TPP2: variants seen among roughly 807,000 people sequenced by gnomAD.
The protein encoded by TPP2 is tripeptidyl-peptidase 2.
Under a neutral mutation model 155.9 loss-of-function variants are expected in TPP2, and 34 were observed. The observed-to-expected ratio is 0.22, with a 90% CI of 0.17 to 0.29. TPP2 has a LOEUF of 0.29. TPP2 is among the 10% of genes least tolerant of loss of function. The pLI is 1.00. For missense variants in TPP2, 1,028 were observed against 1,522.3 expected (o/e 0.68, Z 5.40); for synonymous variants, 510 against 529.4 (o/e 0.96, Z 0.50).
rs1411430832 is a variant in TPP2, at chr13:102,678,886, A to G, written c.*570A>G. 1 of 151,060 alleles carries G rather than the reference A, an allele frequency of 6.6e-6. No individual in the cohort carries two copies. Among genetic ancestry groups the G allele is most frequent in the East Asian group, 2.0e-4 (1 of 5,100 alleles). 9.4% of individuals were successfully genotyped at this position (151,060 alleles called of 1,614,324 possible). ...ACAAATGAGTGGCAGTTGCTGGAGC[A>G]TAACTGCTTCAATAAATCTTCATCT... is the stretch of plus-strand genomic sequence containing the variant. On this transcript the variant is annotated 3_prime_UTR_variant, in exon 30 of 30. Transcript: ENST00000376052.
At chr13:102,666,762 A>ATC (rs1884625505) in intron 27 of TPP2, among the ~76,000 whole-genome samples, 1 of 78,724 alleles carries the variant, frequency 1.3e-5, no homozygotes, top group African/African-American at 5.5e-5. Flanking sequence ...ACTGTTTTTA[A>ATC]TCTCTTTTTT....
intron 2 of TPP2, chr13:102,608,052 G>C (rs192622183): frequency 6.6e-6 from 1 of 152,332 alleles, no homozygotes; most frequent in Non-Finnish European, 1.5e-5. Flanking sequence ...GCTTGGTGAC[G>C]TATTTCTTTA....
At chr13:102,635,225 G>C (rs1338662430) in intron 11 of TPP2, among the ~76,000 whole-genome samples, 1 of 152,176 alleles carries the variant, frequency 6.6e-6, no homozygotes, top group East Asian at 1.9e-4. Context: ...ATAACATACA[G>C]TTGGGTTGAA....
chr13:102,655,785 GTTCC>G (rs1883818230), intron 24 of TPP2, among the ~76,000 whole-genome samples: 1 of 151,942 alleles, frequency 6.6e-6, no homozygotes, highest in Admixed American at 6.6e-5. Flanking sequence ...CGGGTTTTCA[GTTCC>G]TTCCTTCTTC....
intron 29 of TPP2, among the ~76,000 whole-genome samples, chr13:102,677,961 G>T (rs1885394343): frequency 6.6e-6 from 1 of 152,110 alleles, no homozygotes; most frequent in Non-Finnish European, 1.5e-5. Flanking sequence ...GAAGAAGGGA[G>T]GAACACAGGT....
At chr13:102,676,043 T>G (rs1885263254) in intron 28 of TPP2, among the ~76,000 whole-genome samples, 1 of 152,152 alleles carries the variant, frequency 6.6e-6, no homozygotes, top group Non-Finnish European at 1.5e-5. Context: ...AAGAGGTATT[T>G]TTAAGTGGAT....
At chr13:102,633,631 AG>A (rs1374828229) in intron 10 of TPP2, among the ~76,000 whole-genome samples, 1 of 152,212 alleles carries the variant, frequency 6.6e-6, no homozygotes, top group Non-Finnish European at 1.5e-5. Context: ...CACTCATCAA[AG>A]AGTCAGAACA....
rs1879700872 is a variant in TPP2, at chr13:102,604,848, G to A, written c.221G>A (p.Gly74Asp). Reference sequence around the variant, plus strand: ...GATATCATTGATACAACAGGAAGTGGCGATGTGAATACTGCTACAGAAGTA... The same window carrying A: ...GATATCATTGATACAACAGGAAGTGACGATGTGAATACTGCTACAGAAGTA... ...IVDIIDTTGS[G>D]DVNTATEVEP... The change falls in exon 2 of 30, where the codon GGC becomes GAC. Residue 74 changes from glycine to aspartate, a missense_variant. Around this residue, in one of 7 missense-constraint regions of TPP2, gnomAD observed 300 missense variants for 398.3 expected, o/e 0.75. Transcript: ENST00000376052. The A allele has an allele frequency of 1.2e-6, 2 of 1,614,012 alleles. No individual in the cohort carries two copies. The highest frequency in any genetic ancestry group is 1.7e-5 in the Admixed American group (1 of 60,000).
chr13:102,670,030 A>G (rs1884867386), intron 27 of TPP2, among the ~76,000 whole-genome samples: 4 of 152,200 alleles, frequency 2.6e-5, no homozygotes, highest in Admixed American at 6.5e-5. Context: ...TAGGGCCAGT[A>G]TTAAGGCTCC....
At chr13:102,659,360 C>T (rs1433413810) in intron 25 of TPP2, among the ~76,000 whole-genome samples, 1 of 152,086 alleles carries the variant, frequency 6.6e-6, no homozygotes, top group Non-Finnish European at 1.5e-5. Flanking sequence ...CCTACATATC[C>T]AGGGAACTCA....
chr13:102,672,122 C>A (rs949346859), intron 27 of TPP2, among the ~76,000 whole-genome samples: 1 of 152,106 alleles, frequency 6.6e-6, no homozygotes, highest in Non-Finnish European at 1.5e-5. Context: ...CAGACTATGG[C>A]CGAGTGACAG....
intron 15 of TPP2, among the ~76,000 whole-genome samples, chr13:102,640,010 T>C (rs1386984741): frequency 6.6e-6 from 1 of 152,212 alleles, no homozygotes; most frequent in Non-Finnish European, 1.5e-5. Flanking sequence ...GAGAATGCTT[T>C]TTTAATAGTG....
chr13:102,661,532 C>G (rs529514337), intron 25 of TPP2, among the ~76,000 whole-genome samples: 1 of 152,058 alleles, frequency 6.6e-6, no homozygotes, highest in Non-Finnish European at 1.5e-5. Context: ...CATGAGCCAC[C>G]TCCACACCCA....
rs1885460402 is a variant in TPP2, at chr13:102,678,844, G to A, written c.*528G>A. ...GCAAATGTTTACATTCAATTAAGGG[G>A]AAAAAGTAGAACCAGCACAAATGAG... On this transcript the variant is annotated 3_prime_UTR_variant, in exon 30 of 30. Transcript: ENST00000376052. 6.9e-6 allele frequency: 1 copy of A among 145,746 alleles called. No individual in the cohort carries two copies. Among genetic ancestry groups the A allele is most frequent in the Admixed American group, 7.1e-5 (1 of 14,096 alleles). 9.0% of individuals were successfully genotyped at this position (145,746 alleles called of 1,614,324 possible). A position where few individuals can be genotyped will look rare whatever the true frequency, so the allele number is the denominator to read the frequency against.
Position 102,637,150 on chromosome 13 carries a change from C to G in TPP2, c.1747C>G (p.Pro583Ala), listed in dbSNP as rs772176832. The change falls in exon 14 of 30, where the codon CCC (proline) becomes GCC (alanine). Residue 583 changes from proline (P) to alanine (A), a missense_variant. Pro to Ala is a conservative substitution (Grantham distance 27). Around this residue, in one of 7 missense-constraint regions of TPP2, gnomAD observed 325 missense variants for 463.7 expected, o/e 0.70. Transcript: ENST00000376052. ...LTSNSSWVQC[P>A]SHLELMNQCR... ...TTCAAATTCATCTTGGGTTCAGTGT[C>G]CCAGCCATTTGGAACTCATGAATCA... 3 of 1,613,140 alleles carry G rather than the reference C, an allele frequency of 1.9e-6. No homozygotes were observed. Among genetic ancestry groups the G allele is most frequent in the Non-Finnish European group, 2.5e-6 (3 of 1,179,828 alleles).
At position 102,674,504 on chromosome 13, in the gene TPP2, T is replaced by G; in HGVS notation, c.3579+14T>G. On this transcript the variant is annotated intron_variant, in intron 28 of 29. Coordinates refer to ENST00000376052, the MANE Select transcript of TPP2 (RefSeq NM_001330588.2). ...TTTGACAATAAGGTAACGTTTCTGC[T>G]TCTTGTTTCAGCAAAGTTCTTGGGG... is the stretch of plus-strand genomic sequence containing the variant. 1 of 1,613,050 alleles carries G rather than the reference T, an allele frequency of 6.2e-7. No individual in the cohort carries two copies. The highest frequency in any genetic ancestry group is 1.1e-5 in the South Asian group (1 of 90,974).
intron 25 of TPP2, 38 bp downstream of exon 25, chr13:102,657,245 A>G (rs769917469): frequency 2.0e-6 from 3 of 1,509,350 alleles, no homozygotes; most frequent in South Asian, 1.3e-5. Context: ...TTAAATGTTT[A>G]GTTCTATTTT....
chr13:102,650,883 C>T (rs1298144833), intron 23 of TPP2, among the ~76,000 whole-genome samples: 1 of 152,146 alleles, frequency 6.6e-6, no homozygotes, highest in Non-Finnish European at 1.5e-5. Flanking sequence ...TTCATTATAA[C>T]TTCCATCACA....
At chr13:102,641,412 C>T (rs1323463401) in intron 16 of TPP2, among the ~76,000 whole-genome samples, 1 of 152,148 alleles carries the variant, frequency 6.6e-6, no homozygotes, top group Non-Finnish European at 1.5e-5. Context: ...CTTGTCTAGT[C>T]CCGTCAGAAC....
Sources: allele counts gnomAD v4.1 joint callset (sites outside exome capture counted in the v4.1 genomes callset), GRCh38; gene constraint gnomAD v4.1.1; regional missense constraint gnomAD v4.1.1; transcripts MANE v1.5; gene names NCBI Gene and HGNC (gene_info 2026-07-23, HGNC 2026-07-21).